The following TANGO2 variants were observed in gnomAD, a reference collection of about 807,000 sequenced individuals.
The protein encoded by TANGO2 is transport and golgi organization 2 homolog, also known as transport and Golgi organization protein 2 homolog.
In TANGO2, 26 loss-of-function variants were observed where a neutral mutation model predicts 39.1. The ratio of observed to expected loss-of-function variants is 0.67; its 90% CI spans 0.49 to 0.92. The LOEUF (loss-of-function observed/expected upper bound fraction) is 0.92, where lower values mean the gene tolerates loss of function less well. Ranked by LOEUF, TANGO2 falls within the 40% of genes least tolerant of loss-of-function variation. The pLI, the probability that TANGO2 is intolerant of heterozygous loss-of-function variation, is 0.00. For synonymous variants in TANGO2, 131 were observed against 144.5 expected (o/e 0.91, Z 0.67); for missense variants, 326 against 360.1 (o/e 0.91, Z 0.77).
chr22:20,066,215 T>A lies in TANGO2; in HGVS notation c.*1553T>A, dbSNP rs560523033. 215 of 153,166 alleles carry A rather than the reference T, an allele frequency of 1.4e-3. No individual in the cohort carries two copies. Among genetic ancestry groups the A allele is most frequent in the Non-Finnish European group, 2.6e-3 (177 of 68,704 alleles). The allele number at this position is 153,166 out of a possible 1,614,324, so 9.5% of individuals were successfully genotyped here. A position where few individuals can be genotyped will look rare whatever the true frequency, so the allele number is the denominator to read the frequency against. Reference sequence around the variant, plus strand: ...GAGCGGGAGGCAGGCTGGCCTGGACTTCTGTTGGATGATGGGGGCCAGGGG... The same window carrying A: ...GAGCGGGAGGCAGGCTGGCCTGGACATCTGTTGGATGATGGGGGCCAGGGG... On this transcript the variant is annotated 3_prime_UTR_variant, in exon 9 of 9. Transcript: ENST00000327374.
chr22:20,058,836 T>C (rs2047856188), intron 6 of TANGO2, among the ~76,000 whole-genome samples: 1 of 152,122 alleles, frequency 6.6e-6, no homozygotes, highest in African/African-American at 2.4e-5. Flanking sequence ...GTCATACATA[T>C]TCAGCAGGTT....
intron 1 of TANGO2, among the ~76,000 whole-genome samples, chr22:20,028,852 C>A (rs2041295750): frequency 6.6e-6 from 1 of 152,218 alleles, no homozygotes; most frequent in South Asian, 2.1e-4. Flanking sequence ...CCCCTTGCTT[C>A]TTTTCCCCAT....
intron 1 of TANGO2, among the ~76,000 whole-genome samples, chr22:20,024,500 G>A (rs2040352774): frequency 6.6e-6 from 1 of 152,236 alleles, no homozygotes; most frequent in Non-Finnish European, 1.5e-5. Flanking sequence ...GGCTGCCACC[G>A]CTGATGGAGT....
intron 8 of TANGO2, chr22:20,063,681 TCAGGGCTGCCTG>T: frequency 2.2e-6 from 1 of 448,676 alleles, no homozygotes. Flanking sequence ...CAGGATGGCT[TCAGGGCTGCCTG>T]CACATTGGTG....
intron 1 of TANGO2, among the ~76,000 whole-genome samples, chr22:20,027,580 G>A (rs1267471115): frequency 1.3e-5 from 2 of 152,064 alleles, no homozygotes; most frequent in Admixed American, 1.3e-4. Context: ...ACACTCTGGC[G>A]CCACAGGCAG....
chr22:20,053,855 G>GC (rs2046868142), intron 5 of TANGO2: 1 of 441,758 alleles, frequency 2.3e-6, no homozygotes, highest in Non-Finnish European at 4.5e-6. Context: ...CCCACGGGCA[G>GC]GCTGTGCAGA....
chr22:20,035,011 C>T (rs893005980), intron 1 of TANGO2, among the ~76,000 whole-genome samples: 6 of 152,260 alleles, frequency 3.9e-5, no homozygotes, highest in Non-Finnish European at 7.3e-5. Flanking sequence ...TGATGGCCCC[C>T]TGTGGGCGCT....
chr22:20,029,537 G>C (rs959442142), intron 1 of TANGO2, among the ~76,000 whole-genome samples: 1 of 152,172 alleles, frequency 6.6e-6, no homozygotes, highest in Non-Finnish European at 1.5e-5. Flanking sequence ...CCTTGGCTGC[G>C]GTGTGAAGAG....
At chr22:20,037,007 T>C in intron 2 of TANGO2, 153 bp downstream of exon 2, 2 of 1,581,704 alleles carry the variant, frequency 1.3e-6, no homozygotes, top group Non-Finnish European at 1.7e-6. Context: ...GGTCACTCAG[T>C]GTGGGATGCT....
chr22:20,035,243 G>A (rs546400286), intron 1 of TANGO2, among the ~76,000 whole-genome samples: 1 of 152,386 alleles, frequency 6.6e-6, no homozygotes, highest in South Asian at 2.1e-4. Flanking sequence ...CTCCTCACTG[G>A]AGCAGATGGT....
chr22:20,018,969 C>T (rs1182381680), upstream of TANGO2, among the ~76,000 whole-genome samples: 1 of 152,128 alleles, frequency 6.6e-6, no homozygotes, highest in African/African-American at 2.4e-5. Context: ...CCCATAGTCC[C>T]AGCTACTTGG....
chr22:20,064,958 C>A lies in TANGO2; in HGVS notation c.*296C>A, dbSNP rs3804043. Reference sequence around the variant, plus strand: ...ACTCTTGCACATGTACACAGGCACTCACATGGCACACACATACACTCCTGC... The same window carrying A: ...ACTCTTGCACATGTACACAGGCACTAACATGGCACACACATACACTCCTGC... On this transcript the variant is annotated 3_prime_UTR_variant, in exon 9 of 9. Coordinates refer to ENST00000327374, the MANE Select transcript of TANGO2 (RefSeq NM_152906.7). 109,068 of 374,788 alleles carry A rather than the reference C, an allele frequency of 0.29. 18,238 individuals carry two copies. Among genetic ancestry groups the A allele is most frequent in the East Asian group, 0.56 (11,563 of 20,724 alleles). The allele number at this position is 374,788 out of a possible 1,614,324, so 23.2% of individuals were successfully genotyped here. A position where few individuals can be genotyped will look rare whatever the true frequency, so the allele number is the denominator to read the frequency against.
Position 20,057,744 on chromosome 22 carries a change from C to T in TANGO2, c.451+1731C>T, listed in dbSNP as rs981718947. Reference sequence around the variant, plus strand: ...AATGTGTGGCGAAGTAGGTCTGTGGCAGTGGAGTTGGGCCATGCTGAGCCT... The same window carrying T: ...AATGTGTGGCGAAGTAGGTCTGTGGTAGTGGAGTTGGGCCATGCTGAGCCT... On this transcript the variant is annotated intron_variant, in intron 6 of 8. Coordinates refer to ENST00000327374, the MANE Select transcript of TANGO2 (RefSeq NM_152906.7). The surrounding 1 kb of genome is among the most constrained non-coding windows in gnomAD (Gnocchi z 4.1). 1.3e-5 allele frequency among the ~76,000 whole-genome samples: 2 copies of T among 152,190 alleles called. No individual in the cohort carries two copies. The highest frequency in any genetic ancestry group is 3.8e-4 in the East Asian group (2 of 5,198).
At chr22:20,038,278 C>T (rs955863665) in intron 2 of TANGO2, among the ~76,000 whole-genome samples, 5 of 152,148 alleles carry the variant, frequency 3.3e-5, no homozygotes, top group Admixed American at 2.6e-4. Context: ...TCCAATGCTG[C>T]GAGACAATAG....
chr22:20,051,744 T>C (rs1265657161), intron 3 of TANGO2, among the ~76,000 whole-genome samples: 1 of 151,542 alleles, frequency 6.6e-6, no homozygotes, highest in Non-Finnish European at 1.5e-5. Flanking sequence ...TCCCAGCTAC[T>C]TGGGCTGAGG....
At chr22:20,054,840 G>C (rs1341299918) in intron 5 of TANGO2, 1 of 152,334 alleles carries the variant, frequency 6.6e-6, no homozygotes, top group Non-Finnish European at 1.5e-5. Context: ...CCTGGCCTGT[G>C]GTATAGTGCT....
At chr22:20,038,712 T>A (rs948963521) in intron 2 of TANGO2, among the ~76,000 whole-genome samples, 1 of 151,832 alleles carries the variant, frequency 6.6e-6, no homozygotes, top group African/African-American at 2.4e-5. Context: ...CATGGGAGGG[T>A]GTGAGACACT....
At chr22:20,058,752 C>G (rs1323568781) in intron 6 of TANGO2, among the ~76,000 whole-genome samples, 1 of 151,944 alleles carries the variant, frequency 6.6e-6, no homozygotes, top group Non-Finnish European at 1.5e-5. Flanking sequence ...CTAGCATGGA[C>G]TGAGGTGCTC....
In TANGO2 at chr22:20,065,024, C is replaced by T; in HGVS notation, c.*362C>T. 4.1e-6 allele frequency: 1 copy of T among 242,222 alleles called. No homozygotes were observed. Among genetic ancestry groups the T allele is most frequent in the Non-Finnish European group, 8.2e-6 (1 of 122,684 alleles). The allele number at this position is 242,222 out of a possible 1,614,324, so 15.0% of individuals were successfully genotyped here. A position where few individuals can be genotyped will look rare whatever the true frequency, so the allele number is the denominator to read the frequency against. ...CACATGCAAGCCATATACATGGACA[C>T]CGACACAGGCACATGTACGTGCACA... On this transcript the variant is annotated 3_prime_UTR_variant, in exon 9 of 9. Coordinates refer to ENST00000327374, the MANE Select transcript of TANGO2 (RefSeq NM_152906.7).
Sources: gnomAD v4.1 joint callset for allele counts (sites outside exome capture counted in the v4.1 genomes callset) on GRCh38, gnomAD v4.1.1 for gene constraint, Gnocchi (gnomAD v3.1) non-coding constraint, MANE v1.5 for transcripts, NCBI Gene and HGNC (gene_info 2026-07-23, HGNC 2026-07-21) for gene names.